Variants in SLC37A3 observed in about 807,000 individuals in gnomAD.
SLC37A3 encodes solute carrier family 37 member 3, also known as sugar phosphate exchanger 3.
Under a neutral mutation model 67.1 loss-of-function variants are expected in SLC37A3, and 51 were observed. The ratio of observed to expected loss-of-function variants is 0.76; its 90% CI spans 0.61 to 0.96. The LOEUF is 0.96. SLC37A3 is among the 40% of genes least tolerant of loss of function. The pLI, the probability that SLC37A3 is intolerant of heterozygous loss-of-function variation, is 0.00. For missense variants in SLC37A3, 508 were observed against 603.0 expected (o/e 0.84, Z 1.65); for synonymous variants, 214 against 231.4 (o/e 0.92, Z 0.68).
chr7:140,367,570 A>G (rs1797652211), intron 4 of SLC37A3, among the ~76,000 whole-genome samples: 2 of 152,204 alleles, frequency 1.3e-5, no homozygotes, highest in Admixed American at 1.3e-4. Context: ...CGTTTTTAAT[A>G]AGGCACACTT....
At chr7:140,341,484 G>A (rs1273884186) in intron 13 of SLC37A3, among the ~76,000 whole-genome samples, 1 of 152,174 alleles carries the variant, frequency 6.6e-6, no homozygotes, top group Non-Finnish European at 1.5e-5. Flanking sequence ...GTCAGGGAAA[G>A]ACGGGGTAAC....
chr7:140,367,820 C>CT (rs34092614), intron 4 of SLC37A3, among the ~76,000 whole-genome samples: 2,424 of 129,982 alleles, frequency 0.019, 91 homozygotes, highest in African/African-American at 0.06. Context: ...TCCCACCTTC[C>CT]TTTTTTTTTT....
At chr7:140,386,030 A>G (rs6973817) in intron 1 of SLC37A3, among the ~76,000 whole-genome samples, 39,971 of 151,788 alleles carry the variant, frequency 0.26, 6,549 homozygotes, top group South Asian at 0.44. Context: ...TGATCCACCC[A>G]CCTTGGCCTC....
intron 7 of SLC37A3, among the ~76,000 whole-genome samples, chr7:140,352,754 G>A (rs923457634): frequency 1.3e-5 from 2 of 152,168 alleles, no homozygotes; most frequent in African/African-American, 4.8e-5. Flanking sequence ...CTCAAGGAGA[G>A]GGCTTCTGCT....
intron 11 of SLC37A3, 83 bp downstream of exon 11, chr7:140,345,786 A>G: frequency 9.2e-7 from 1 of 1,082,264 alleles, no homozygotes; most frequent in South Asian, 1.2e-5. Context: ...TCTCCCCAGC[A>G]CTGGTCACTG....
rs189165993 is a variant in SLC37A3 at position 140,353,577 on chromosome 7, T to G, written c.619-1431A>C. Among the ~76,000 whole-genome samples the G allele has an allele frequency of 2.6e-3, 396 of 152,298 alleles. 13 individuals are homozygous for G. In the South Asian group the frequency reaches 0.049, roughly 19 times the overall value. ...TTTCCCAACATATAACCATTGTTGT[T>G]CATTTTTACTGCCCAGAAATTGTTT... is the stretch of plus-strand genomic sequence containing the variant. On this transcript the variant is annotated intron_variant, in intron 7 of 14. Coordinates refer to ENST00000326232, the MANE Select transcript of SLC37A3 (RefSeq NM_207113.3).
chr7:140,376,505 T>C (rs996386868), intron 3 of SLC37A3, among the ~76,000 whole-genome samples: 1 of 152,208 alleles, frequency 6.6e-6, no homozygotes, highest in African/African-American at 2.4e-5. Flanking sequence ...GGGGGGACTA[T>C]ATAAGCTACT....
chr7:140,370,346 T>C (rs1797774545), intron 3 of SLC37A3: 1 of 152,164 alleles, frequency 6.6e-6, no homozygotes, highest in South Asian at 2.1e-4. Context: ...GGCAGTAAGT[T>C]TAAAAGCAGA....
At chr7:140,355,812 A>G in intron 6 of SLC37A3, 48 bp from the exon 7 acceptor site, 2 of 1,518,030 alleles carry the variant, frequency 1.3e-6, no homozygotes, top group Non-Finnish European at 1.8e-6. Context: ...CAGAAGAGAT[A>G]CTCTGGGCAG....
At chr7:140,378,496 G>A (rs1798117399) in intron 3 of SLC37A3, among the ~76,000 whole-genome samples, 1 of 152,108 alleles carries the variant, frequency 6.6e-6, no homozygotes, top group South Asian at 2.1e-4. Context: ...CCAGCACTTT[G>A]GGAAGCCGAG....
At chr7:140,381,870 C>T (rs1023259099) in intron 2 of SLC37A3, among the ~76,000 whole-genome samples, 5 of 151,566 alleles carry the variant, frequency 3.3e-5, no homozygotes, top group African/African-American at 1.2e-4. Context: ...ATTTAGTAGC[C>T]GGGCATGGTG....
At chr7:140,392,703 A>G (rs191471613) in intron 1 of SLC37A3, among the ~76,000 whole-genome samples, 2 of 152,290 alleles carry the variant, frequency 1.3e-5, no homozygotes, top group Admixed American at 1.3e-4. Context: ...GTACAGATGG[A>G]GGAGGAGCCT....
chr7:140,368,533 C>A (rs1797697059), intron 4 of SLC37A3, among the ~76,000 whole-genome samples: 1 of 152,088 alleles, frequency 6.6e-6, no homozygotes. Context: ...TGCCATTGCA[C>A]TCCAGCCTGG....
At chr7:140,393,767 G>T (rs1798811136) in intron 1 of SLC37A3, among the ~76,000 whole-genome samples, 1 of 151,974 alleles carries the variant, frequency 6.6e-6, no homozygotes, top group Admixed American at 6.6e-5. Flanking sequence ...TGGTTTAATT[G>T]TTTCCATGTC....
intron 5 of SLC37A3, among the ~76,000 whole-genome samples, chr7:140,359,152 G>A (rs1373246440): frequency 6.6e-6 from 1 of 151,764 alleles, no homozygotes; most frequent in East Asian, 1.9e-4. Context: ...GACCATCCTG[G>A]CTAACACGGT....
chr7:140,335,303 C>G lies in SLC37A3; in HGVS notation c.*109G>C, dbSNP rs2116989494. 6.2e-7 allele frequency: 1 copy of G among 1,614,144 alleles called. No individual in the cohort carries two copies. The highest frequency in any genetic ancestry group is 8.5e-7 in the Non-Finnish European group (1 of 1,180,036). ...GCTGGCAGTGTTGAGAGACGCCTGA[C>G]AATCCAAGATCAGGCTGGAGCTCCT... is the stretch of plus-strand genomic sequence containing the variant. On this transcript the variant is annotated 3_prime_UTR_variant, in exon 15 of 15. Coordinates refer to ENST00000326232, the MANE Select transcript of SLC37A3 (RefSeq NM_207113.3).
chr7:140,380,029 G>A (rs1798187805), intron 3 of SLC37A3: 2 of 259,870 alleles, frequency 7.7e-6, no homozygotes, highest in Admixed American at 5.3e-5. Context: ...CAGCACTAAC[G>A]AAAGCCAGTG....
intron 14 of SLC37A3, among the ~76,000 whole-genome samples, chr7:140,336,918 G>A (rs1036042002): frequency 6.7e-6 from 1 of 149,592 alleles, no homozygotes; most frequent in African/African-American, 2.4e-5. Context: ...GGCCAATATG[G>A]TGAAACCCCA....
At chr7:140,347,363 C>T (rs1006395072) in intron 10 of SLC37A3, among the ~76,000 whole-genome samples, 10 of 151,944 alleles carry the variant, frequency 6.6e-5, no homozygotes, top group African/African-American at 2.4e-4. Flanking sequence ...ATGAATCTTT[C>T]AAGCAACAAT....
Sources: gnomAD v4.1 joint callset for allele counts (sites outside exome capture counted in the v4.1 genomes callset) on GRCh38, gnomAD v4.1.1 for gene constraint, MANE v1.5 for transcripts, NCBI Gene and HGNC (gene_info 2026-07-23, HGNC 2026-07-21) for gene names.